Variants in SIPA1L1 observed in about 807,000 individuals in gnomAD.
SIPA1L1 encodes the protein signal induced proliferation associated 1 like 1.
Under a neutral mutation model 162.7 loss-of-function variants are expected in SIPA1L1, and 26 were observed. That is an observed-to-expected ratio of 0.16 (90% CI 0.12 to 0.22). The LOEUF is 0.22. Ranked by LOEUF, SIPA1L1 falls within the 10% of genes least tolerant of loss-of-function variation. SIPA1L1 has a pLI of 1.00. For synonymous variants in SIPA1L1, 829 were observed against 837.4 expected (o/e 0.99, Z 0.17); for missense variants, 1,874 against 2,241.0 (o/e 0.84, Z 3.31).
At chr14:71,409,059 T>G (rs1373776770) in intron 2 of SIPA1L1, among the ~76,000 whole-genome samples, 1 of 152,230 alleles carries the variant, frequency 6.6e-6, no homozygotes, top group Non-Finnish European at 1.5e-5. Flanking sequence ...CCCCTCCTTC[T>G]CTTTCCCTCT....
chr14:71,735,300 G>A lies in SIPA1L1; in HGVS notation c.5032G>A (p.Ala1678Thr). ...YEVQRASFFA[A>T]SDENHRPLSA... is the part of the protein sequence containing the mutation. ...AGTCCAGAGAGCCTCATTTTTTGCT[G>A]CTAGTGATGAAAACCATCGCCCCTT... Residue 1678 changes from alanine (A) to threonine (T), a missense_variant, in exon 22 of 24, where the codon GCT becomes ACT. Around this residue, in one of 5 missense-constraint regions of SIPA1L1, gnomAD observed 936 missense variants for 1,051.9 expected, o/e 0.89. Transcript: ENST00000381232. The A allele has an allele frequency of 1.9e-6, 3 of 1,613,610 alleles. No individual in the cohort carries two copies. Among genetic ancestry groups the A allele is most frequent in the African/African-American group, 1.3e-5 (1 of 74,978 alleles).
At chr14:71,666,630 T>C (rs1022424266) in intron 10 of SIPA1L1, among the ~76,000 whole-genome samples, 2 of 152,126 alleles carry the variant, frequency 1.3e-5, no homozygotes, top group Non-Finnish European at 2.9e-5. Flanking sequence ...GGTAGAAATA[T>C]GTGTTACTCC....
At position 71,546,376 on chromosome 14, in the gene SIPA1L1, C is replaced by CTTTTTTT. The variant is rs11480749; in HGVS notation, c.-303+17017_-303+17023dup. Among the ~76,000 whole-genome samples the CTTTTTTT allele has an allele frequency of 4.9e-4, 57 of 116,924 alleles. 1 individual carries two copies. Among genetic ancestry groups the CTTTTTTT allele is most frequent in the East Asian group, 7.7e-4 (3 of 3,912 alleles). 76.7% of individuals were successfully genotyped at this position (116,924 alleles called of 152,430 possible). On this transcript the variant is annotated intron_variant, in intron 4 of 23. Transcript: ENST00000381232. ...TCTGTATTGTTTTTTCTTTTTCTTTCTTTTTTTTTTTTTTTTTGAGATGGA... is the reference window on the plus strand; with the variant it reads ...TCTGTATTGTTTTTTCTTTTTCTTTCTTTTTTTTTTTTTTTTTTTTTTTTGAGATGGA...
At chr14:71,321,917 G>A (rs2033065239) in intron 2 of SIPA1L1, 1 of 152,228 alleles carries the variant, frequency 6.6e-6, no homozygotes, top group African/African-American at 2.4e-5. Flanking sequence ...TTCCAAGGAA[G>A]ATGTTTAGCT....
intron 4 of SIPA1L1, among the ~76,000 whole-genome samples, chr14:71,553,552 G>A (rs1049508539): frequency 6.6e-5 from 10 of 152,200 alleles, no homozygotes; most frequent in African/African-American, 2.4e-4. Flanking sequence ...GATAGGAAAG[G>A]CATGTTTTTC....
chr14:71,333,127 C>G (rs2034738464), intron 2 of SIPA1L1, among the ~76,000 whole-genome samples: 1 of 152,158 alleles, frequency 6.6e-6, no homozygotes, highest in South Asian at 2.1e-4. Context: ...TCTGTTGTTA[C>G]AGGTAGCACC....
rs564337761 is a variant in SIPA1L1 at position 71,601,861 on chromosome 14, T to G, written c.1498+12491T>G. 2.3e-4 allele frequency among the ~76,000 whole-genome samples: 35 copies of G among 152,236 alleles called. No homozygotes were observed. In the South Asian group the frequency reaches 6.0e-3, roughly 26 times the overall value. On this transcript the variant is annotated intron_variant, in intron 5 of 23. Transcript: ENST00000381232. ...ATCCATTTCCTGTACGTTTTTTAGT[T>G]TGTTAGTGCCTCTGATCTTTTGTAT... is the stretch of plus-strand genomic sequence containing the variant.
At chr14:71,481,731 G>C (rs1269112863) in intron 2 of SIPA1L1, among the ~76,000 whole-genome samples, 1 of 152,178 alleles carries the variant, frequency 6.6e-6, no homozygotes, top group Non-Finnish European at 1.5e-5. Context: ...TTAAAAATTA[G>C]TGAGGGGGAA....
At position 71,387,204 on chromosome 14, in the gene SIPA1L1, C is replaced by T. The variant is rs151257318; in HGVS notation, c.-465+66023C>T. ...TGGAGGTTGCAGTGAGCTGAGATCG[C>T]GCCATTGCACTCCAGCCTGGGCAAC... On this transcript the variant is annotated intron_variant, in intron 2 of 23. Coordinates refer to ENST00000381232, the MANE Select transcript of SIPA1L1 (RefSeq NM_001386936.1). Among the ~76,000 whole-genome samples, 1,225 of 137,426 alleles carry T rather than the reference C, an allele frequency of 8.9e-3. 14 individuals are homozygous for T. The highest frequency in any genetic ancestry group is 0.031 in the African/African-American group (1,142 of 36,616). The allele number at this position is 137,426 out of a possible 152,430, so 90.2% of individuals were successfully genotyped here.
intron 2 of SIPA1L1, among the ~76,000 whole-genome samples, chr14:71,357,126 C>T (rs1200775516): frequency 6.6e-6 from 1 of 152,134 alleles, no homozygotes; most frequent in South Asian, 2.1e-4. Context: ...GTGATCGTAG[C>T]TCACAGCAGT....
At chr14:71,422,332 A>G (rs943561176) in intron 2 of SIPA1L1, among the ~76,000 whole-genome samples, 1 of 152,214 alleles carries the variant, frequency 6.6e-6, no homozygotes, top group Non-Finnish European at 1.5e-5. Flanking sequence ...GAAACAATAC[A>G]TATAACATCT....
chr14:71,359,527 T>G (rs555855886), intron 2 of SIPA1L1, among the ~76,000 whole-genome samples: 204 of 152,278 alleles, frequency 1.3e-3, no homozygotes, highest in Non-Finnish European at 2.3e-3. Context: ...TGTTTATATA[T>G]CCCCAGGATG....
At chr14:71,619,074 T>A (rs2039137942) in intron 6 of SIPA1L1, among the ~76,000 whole-genome samples, 187 bp downstream of exon 6, 1 of 152,078 alleles carries the variant, frequency 6.6e-6, no homozygotes, top group Non-Finnish European at 1.5e-5. Context: ...ACCTCTTCTT[T>A]TCATCAGACT....
Position 71,709,586 on chromosome 14 carries a change from G to T in SIPA1L1, c.4130G>T (p.Ser1377Ile). The T allele has an allele frequency of 2.5e-6, 4 of 1,614,178 alleles. No homozygotes were observed. Among genetic ancestry groups the T allele is most frequent in the Non-Finnish European group, 3.4e-6 (4 of 1,180,034 alleles). ...TCTTCCCTGAGCTTAGACATACACAGCAAGAGCCAAGCCGGCTCGACCCCT... is the reference window on the plus strand; with the variant it reads ...TCTTCCCTGAGCTTAGACATACACATCAAGAGCCAAGCCGGCTCGACCCCT... ...TESSLSLDIH[S>I]KSQAGSTPLT... Residue 1377 changes from serine to isoleucine, a missense_variant, in exon 17 of 24, where the codon AGC becomes ATC. Transcript: ENST00000381232.
intron 4 of SIPA1L1, among the ~76,000 whole-genome samples, chr14:71,538,777 G>A (rs112822920): frequency 6.6e-6 from 1 of 151,872 alleles, no homozygotes; most frequent in African/African-American, 2.4e-5. Context: ...GATACAAGAC[G>A]GCAAAGTAGT....
chr14:71,359,132 C>G (rs1302444588), intron 2 of SIPA1L1, among the ~76,000 whole-genome samples: 1 of 152,096 alleles, frequency 6.6e-6, no homozygotes, highest in Non-Finnish European at 1.5e-5. Flanking sequence ...TGGGAGGGAC[C>G]CAGTGGGAGG....
intron 12 of SIPA1L1, among the ~76,000 whole-genome samples, chr14:71,678,576 C>G (rs2045459763): frequency 1.3e-5 from 2 of 152,182 alleles, no homozygotes; most frequent in Non-Finnish European, 2.9e-5. Context: ...CACTGATGTT[C>G]ATCAGGGATA....
chr14:71,439,192 T>G (rs1396564684), intron 2 of SIPA1L1, among the ~76,000 whole-genome samples: 1 of 152,172 alleles, frequency 6.6e-6, no homozygotes, highest in Admixed American at 6.5e-5. Context: ...CTTCTCAGGC[T>G]TCATTGAACT....
chr14:71,701,486 G>C (rs534146300), intron 14 of SIPA1L1, among the ~76,000 whole-genome samples: 2 of 152,022 alleles, frequency 1.3e-5, no homozygotes, highest in Non-Finnish European at 2.9e-5. Flanking sequence ...AAAATGCTGG[G>C]ATTACAGGCG....
Sources: gnomAD v4.1 joint callset for allele counts (sites outside exome capture counted in the v4.1 genomes callset) on GRCh38, gnomAD v4.1.1 for gene constraint, gnomAD v4.1.1 regional missense constraint, MANE v1.5 for transcripts, NCBI Gene and HGNC (gene_info 2026-07-23, HGNC 2026-07-21) for gene names.